Variants in PLEKHA4 observed in about 807,000 individuals in gnomAD.
The protein encoded by PLEKHA4 is pleckstrin homology domain-containing family A member 4.
In PLEKHA4, 73 loss-of-function variants were observed where a neutral mutation model predicts 94.7. The observed-to-expected ratio is 0.77, with a 90% CI of 0.64 to 0.94. The LOEUF (loss-of-function observed/expected upper bound fraction) is 0.94. Ranked by LOEUF, PLEKHA4 falls within the 40% of genes least tolerant of loss-of-function variation. PLEKHA4 has a pLI of 0.00. For missense variants in PLEKHA4, 1,049 were observed against 1,054.1 expected, an observed-to-expected ratio of 1.00 and a Z score of 0.07; for synonymous variants, 449 against 437.1, an observed-to-expected ratio of 1.03 and a Z score of -0.34.
chr19:48,853,544 G>C, intron 12 of PLEKHA4, 138 bp downstream of exon 12: 19 of 944,798 alleles, frequency 2.0e-5, no homozygotes, highest in Non-Finnish European at 2.7e-5. Context: ...AATGAGGAGA[G>C]AGAAAAAATA....
chr19:48,867,406 G>T lies in PLEKHA4; in HGVS notation c.84+131C>A. The T allele has an allele frequency of 9.8e-7, 1 of 1,024,290 alleles. No individual in the cohort carries two copies. The highest frequency in any genetic ancestry group is 1.6e-5 in the African/African-American group (1 of 62,346). The allele number at this position is 1,024,290 out of a possible 1,614,324, so 63.5% of individuals were successfully genotyped here. A position where few individuals can be genotyped will look rare whatever the true frequency, so the allele number is the denominator to read the frequency against. On this transcript the variant is annotated intron_variant, in intron 2 of 19. Coordinates refer to ENST00000263265, the MANE Select transcript of PLEKHA4 (RefSeq NM_020904.3). The surrounding 1 kb of genome is among the most constrained non-coding windows in gnomAD (Gnocchi z 4.7). ...CTAGCTGCGGTGTGTAGGCAATTTG[G>T]GACCTTACTATGTCTGGCAGACCCC... is the stretch of plus-strand genomic sequence containing the variant.
At chr19:48,857,932 TA>T (rs778682997) in intron 8 of PLEKHA4, among the ~76,000 whole-genome samples, 4,651 of 144,352 alleles carry the variant, frequency 0.032, 79 homozygotes, top group Non-Finnish European at 0.037. Context: ...TAATAATAAT[TA>T]AAAAAAAAAA....
intron 9 of PLEKHA4, among the ~76,000 whole-genome samples, chr19:48,856,194 G>A (rs544222111): frequency 3.0e-4 from 43 of 143,304 alleles, no homozygotes; most frequent in Non-Finnish European, 6.4e-4. Flanking sequence ...GAAAAAGGAA[G>A]GAAAGAAGGA....
rs367815599 is a variant in PLEKHA4 at position 48,860,492 on chromosome 19, C to G, written c.367-33G>C. On this transcript the variant is annotated intron_variant, in intron 5 of 19. Transcript: ENST00000263265. ...AAGAGAAGGCTTGGAATCCGGACTCCCGGGCCTTGTAAAAAGGAGGACAGG... is the reference window on the plus strand; with the variant it reads ...AAGAGAAGGCTTGGAATCCGGACTCGCGGGCCTTGTAAAAAGGAGGACAGG... 9.6e-6 allele frequency: 15 copies of G among 1,556,688 alleles called. No individual in the cohort carries two copies. In the African/African-American group the frequency reaches 1.5e-4, roughly 15 times the overall value.
At chr19:48,856,505 G>T (rs936724837) in intron 9 of PLEKHA4, among the ~76,000 whole-genome samples, 4 of 152,036 alleles carry the variant, frequency 2.6e-5, no homozygotes, top group African/African-American at 9.7e-5. Context: ...GGATCACGAG[G>T]TTAGGAGTTC....
chr19:48,866,171 C>T (rs552520465), intron 2 of PLEKHA4, among the ~76,000 whole-genome samples: 24 of 152,092 alleles, frequency 1.6e-4, no homozygotes, highest in African/African-American at 5.1e-4. Flanking sequence ...CCTTTACCTC[C>T]TGGACTCAGG....
chr19:48,853,713 C>A lies in PLEKHA4; in HGVS notation c.1295G>T (p.Ser432Ile). The stretch of plus-strand genomic sequence containing the variant: ...CAAGTGACAGAGGGTGGCCCTCACA[C>A]TGACCAGCCGGTCCTGCAAGAGGCG... ...RQRLLQDRLVSVRATLCHLTQ... is the reference protein window; with the variant it reads ...RQRLLQDRLVIVRATLCHLTQ... The change falls in exon 12 of 20, where the codon AGT (serine) becomes ATT (isoleucine). Residue 432 changes from serine (S) to isoleucine (I), a missense_variant. Transcript: ENST00000263265. The A allele has an allele frequency of 1.2e-6, 2 of 1,602,118 alleles. No individual in the cohort carries two copies. The highest frequency in any genetic ancestry group is 1.1e-5 in the South Asian group (1 of 89,720).
intron 17 of PLEKHA4, 88 bp downstream of exon 17, chr19:48,841,061 T>G: frequency 7.8e-7 from 1 of 1,289,320 alleles, no homozygotes; most frequent in Non-Finnish European, 1.1e-6. Flanking sequence ...GAGGTAGTGA[T>G]TATCTCCATT....
chr19:48,859,373 C>G, intron 7 of PLEKHA4, 96 bp downstream of exon 7: 2 of 1,335,120 alleles, frequency 1.5e-6, no homozygotes, highest in Non-Finnish European at 2.1e-6. Flanking sequence ...GCAAGTCACA[C>G]ACACTCAAGC....
chr19:48,856,357 G>C (rs1384682053), intron 9 of PLEKHA4, among the ~76,000 whole-genome samples: 1 of 131,894 alleles, frequency 7.6e-6, no homozygotes, highest in African/African-American at 2.5e-5. Flanking sequence ...GCCGAGGCGG[G>C]CAGATCACAA....
At position 48,865,692 on chromosome 19, in the gene PLEKHA4, T is replaced by C. The variant is rs1026394925; in HGVS notation, c.85-82A>G. 1.5e-5 allele frequency: 14 copies of C among 938,180 alleles called. No individual in the cohort carries two copies. The African/African-American group carries it at 2.4e-4, about 16-fold the overall frequency. 58.1% of individuals were successfully genotyped at this position (938,180 alleles called of 1,614,324 possible). A position where few individuals can be genotyped will look rare whatever the true frequency, so the allele number is the denominator to read the frequency against. On this transcript the variant is annotated intron_variant, in intron 2 of 19. Transcript: ENST00000263265. ...GGGTGAGGGTGGACACAGGCAACCG[T>C]AGGCTCTCGCTTGGCTGCCCTGAGA...
intron 3 of PLEKHA4, among the ~76,000 whole-genome samples, chr19:48,863,346 C>A (rs539371023): frequency 6.6e-6 from 1 of 151,056 alleles, no homozygotes; most frequent in African/African-American, 2.4e-5. Flanking sequence ...CTCTGCCTCC[C>A]GGGTTCAAGC....
intron 5 of PLEKHA4, 133 bp downstream of exon 5, chr19:48,861,268 T>G (rs1471348953): frequency 1.2e-5 from 10 of 808,918 alleles, no homozygotes; most frequent in Non-Finnish European, 1.9e-5. Context: ...CAATTGACGC[T>G]TGTCAAGACC....
chr19:48,865,919 C>G (rs182527267), intron 2 of PLEKHA4, among the ~76,000 whole-genome samples: 3 of 151,330 alleles, frequency 2.0e-5, no homozygotes, highest in Non-Finnish European at 4.4e-5. Flanking sequence ...GAGGCTGAGG[C>G]AGGAGAATGG....
intron 13 of PLEKHA4, among the ~76,000 whole-genome samples, chr19:48,848,408 C>A (rs2036051397): frequency 6.7e-6 from 1 of 149,904 alleles, no homozygotes; most frequent in Non-Finnish European, 1.5e-5. Flanking sequence ...ATGGCGTGAA[C>A]CCGGGAGGCG....
intron 7 of PLEKHA4, 162 bp downstream of exon 7, chr19:48,859,307 G>T: frequency 1.1e-6 from 1 of 909,050 alleles, no homozygotes; most frequent in Non-Finnish European, 1.7e-6. Flanking sequence ...TCCGCTTTGT[G>T]GCATCTTCCC....
In PLEKHA4 at chr19:48,867,490, G is replaced by A. The variant is rs368145486; in HGVS notation, c.84+47C>T. On this transcript the variant is annotated intron_variant, in intron 2 of 19. Transcript: ENST00000263265. The surrounding 1 kb of genome is among the most constrained non-coding windows in gnomAD (Gnocchi z 4.7). Reference sequence around the variant, plus strand: ...TCCTTGGGGAAACAGAAGGATGGGCGGCCCAGAGCCCCACCTTCCTCCCCA... The same window carrying A: ...TCCTTGGGGAAACAGAAGGATGGGCAGCCCAGAGCCCCACCTTCCTCCCCA... 87 of 1,546,290 alleles carry A rather than the reference G, an allele frequency of 5.6e-5. No homozygotes were observed. In the East Asian group the frequency reaches 1.6e-3, roughly 29 times the overall value.
chr19:48,867,479 G>T lies in PLEKHA4; in HGVS notation c.84+58C>A, dbSNP rs751998694. The stretch of plus-strand genomic sequence containing the variant: ...AACAACCAGAGTCCTTGGGGAAACA[G>T]AAGGATGGGCGGCCCAGAGCCCCAC... On this transcript the variant is annotated intron_variant, in intron 2 of 19. Coordinates refer to ENST00000263265, the MANE Select transcript of PLEKHA4 (RefSeq NM_020904.3). The surrounding 1 kb of genome is among the most constrained non-coding windows in gnomAD (Gnocchi z 4.7). 26 of 1,534,558 alleles carry T rather than the reference G, an allele frequency of 1.7e-5. No homozygotes were observed. Among genetic ancestry groups the T allele is most frequent in the Non-Finnish European group, 2.2e-5 (25 of 1,133,110 alleles).
Position 48,860,502 on chromosome 19 carries a change from TA to T in PLEKHA4, c.367-44del, listed in dbSNP as rs1363146205. On this transcript the variant is annotated intron_variant, in intron 5 of 19. Coordinates refer to ENST00000263265, the MANE Select transcript of PLEKHA4 (RefSeq NM_020904.3). ...TTGGAATCCGGACTCCCGGGCCTTG[TA>T]AAAAGGAGGACAGGCCGGACCGGTG... is the stretch of plus-strand genomic sequence containing the variant. The T allele has an allele frequency of 2.7e-6, 4 of 1,498,362 alleles. No individual in the cohort carries two copies. In the African/African-American group the frequency reaches 4.1e-5, roughly 15 times the overall value. 92.8% of individuals were successfully genotyped at this position (1,498,362 alleles called of 1,614,324 possible).
Sources: allele counts gnomAD v4.1 joint callset (sites outside exome capture counted in the v4.1 genomes callset), GRCh38; gene constraint gnomAD v4.1.1; non-coding constraint Gnocchi (gnomAD v3.1); transcripts MANE v1.5; gene names NCBI Gene and HGNC (gene_info 2026-07-23, HGNC 2026-07-21).